ABCD2: variants seen among roughly 807,000 people sequenced by gnomAD.
ABCD2 encodes the protein ATP binding cassette subfamily D member 2.
A neutral mutation model predicts 70.9 loss-of-function variants in ABCD2; 36 were observed. The ratio of observed to expected loss-of-function variants is 0.51; its 90% CI spans 0.39 to 0.67. The LOEUF is 0.67. Among genes scored for constraint, ABCD2 ranks in the 30% least tolerant of loss-of-function variants. The pLI is 0.00. For missense variants in ABCD2, 729 were observed against 890.2 expected (o/e 0.82, Z 2.30); for synonymous variants, 304 against 306.9 (o/e 0.99, Z 0.10).
chr12:39,543,548 C>T, the ABCD2 span, among the ~76,000 whole-genome samples: 3 of 152,140 alleles, frequency 2.0e-5, no homozygotes, highest in South Asian at 2.1e-4. Context: ...ACTGGAGAAA[C>T]GGAATTGAGA....
downstream of ABCD2, among the ~76,000 whole-genome samples, chr12:39,547,805 G>A (rs1941040127): frequency 6.6e-6 from 1 of 152,050 alleles, no homozygotes; most frequent in Admixed American, 6.6e-5. Context: ...TTTATGTTAT[G>A]TGTTTTTTAC....
At position 39,551,214 on chromosome 12, in the gene ABCD2, T is replaced by A. The variant is rs747631966; in HGVS notation, c.*2698A>T. The A allele has an allele frequency of 4.6e-5, 7 of 151,730 alleles. No homozygotes were observed. Among genetic ancestry groups the A allele is most frequent in the Non-Finnish European group, 7.4e-5 (5 of 67,670 alleles). 9.4% of individuals were successfully genotyped at this position (151,730 alleles called of 1,614,324 possible). ...GTAGAAATATAATGCAACGTTTTCA[T>A]AGAATCCAACTTATTTTTCAAGTTT... On this transcript the variant is annotated 3_prime_UTR_variant, in exon 10 of 10. Transcript: ENST00000308666.
intron 6 of ABCD2, among the ~76,000 whole-genome samples, chr12:39,587,050 T>C (rs1291915057): frequency 6.6e-6 from 1 of 152,180 alleles, no homozygotes; most frequent in African/African-American, 2.4e-5. Flanking sequence ...TGTTGCCCTT[T>C]GACCTCCTTC....
chr12:39,604,685 A>G, intron 4 of ABCD2, 77 bp downstream of exon 4: 1 of 1,216,926 alleles, frequency 8.2e-7, no homozygotes, highest in Non-Finnish European at 1.1e-6. Flanking sequence ...TAACTACTAA[A>G]AGCTACCTTC....
At chr12:39,565,325 A>T (rs1407723041) in intron 9 of ABCD2, among the ~76,000 whole-genome samples, 13 of 152,032 alleles carry the variant, frequency 8.6e-5, no homozygotes, top group African/African-American at 2.2e-4. Flanking sequence ...TTTGTAGTTC[A>T]CCTTGAAGAG....
intron 6 of ABCD2, among the ~76,000 whole-genome samples, chr12:39,593,290 T>C (rs1459311850): frequency 6.6e-6 from 1 of 152,226 alleles, no homozygotes; most frequent in Non-Finnish European, 1.5e-5. Flanking sequence ...TCTCACTCTG[T>C]TGCCCAGGCC....
At position 39,617,172 on chromosome 12, in the gene ABCD2, T is replaced by TA. The variant is rs1175006856; in HGVS notation, c.940-5dup. ...TCTGAAGTTGTTTCATTTCTACCTA[T>TA]AGAGAGGAAAAAGAGTTGAGGACTT... On this transcript the variant is annotated splice_region_variant and splice_polypyrimidine_tract_variant and intron_variant, in intron 1 of 9. Transcript: ENST00000308666. 6.4e-7 allele frequency: 1 copy of TA among 1,556,052 alleles called. No individual in the cohort carries two copies. The highest frequency in any genetic ancestry group is 8.6e-7 in the Non-Finnish European group (1 of 1,156,630).
intron 6 of ABCD2, among the ~76,000 whole-genome samples, chr12:39,587,944 T>C (rs1354522016): frequency 1.3e-5 from 2 of 152,200 alleles, no homozygotes; most frequent in African/African-American, 4.8e-5. Context: ...AGGCGGAAAT[T>C]TTAAACTTTA....
At chr12:39,549,217 T>A (rs1039592390), downstream of ABCD2, among the ~76,000 whole-genome samples, 1 of 151,974 alleles carries the variant, frequency 6.6e-6, no homozygotes, top group Admixed American at 6.6e-5. Flanking sequence ...ATCATGAAGA[T>A]TGTGAAGCCC....
the ABCD2 span, among the ~76,000 whole-genome samples, chr12:39,534,888 GAAAGAAAGAAAGAAAGAAAGAAAGAAA>G: frequency 2.9e-4 from 1 of 3,462 alleles, no homozygotes; most frequent in Non-Finnish European, 5.9e-4. Context: ...AGGAAGGAAA[GAAAGAAAGAAAGAAAGAAAGAAAGAAA>G]GAAAGAAAGA....
the ABCD2 span, among the ~76,000 whole-genome samples, chr12:39,537,118 G>A: frequency 6.6e-6 from 1 of 151,876 alleles, no homozygotes; most frequent in African/African-American, 2.4e-5. Context: ...ACTCTTAGGA[G>A]ATTGTCCAAA....
At chr12:39,558,812 G>A (rs949875835) in intron 9 of ABCD2, among the ~76,000 whole-genome samples, 16 of 151,806 alleles carry the variant, frequency 1.1e-4, no homozygotes, top group East Asian at 3.9e-4. Context: ...CTAATACAGC[G>A]CACTTCAATA....
At chr12:39,605,408 G>T (rs1941956365) in intron 3 of ABCD2, among the ~76,000 whole-genome samples, 1 of 151,896 alleles carries the variant, frequency 6.6e-6, no homozygotes, top group African/African-American at 2.4e-5. Flanking sequence ...CCTCTATTTG[G>T]CAGGATACCA....
At chr12:39,613,482 TAAGTA>T (rs1591999821) in intron 2 of ABCD2, among the ~76,000 whole-genome samples, 3 of 147,816 alleles carry the variant, frequency 2.0e-5, no homozygotes, top group South Asian at 4.5e-4. Context: ...CTCTTAATAC[TAAGTA>T]AAGAAAGGGG....
intron 9 of ABCD2, among the ~76,000 whole-genome samples, chr12:39,559,714 G>T (rs1200313701): frequency 6.6e-6 from 1 of 152,028 alleles, no homozygotes; most frequent in African/African-American, 2.4e-5. Flanking sequence ...AGGAGAGAAT[G>T]GAATTACATA....
intron 6 of ABCD2, among the ~76,000 whole-genome samples, chr12:39,587,982 TA>T (rs1411071440): frequency 2.6e-5 from 4 of 152,208 alleles, no homozygotes; most frequent in Non-Finnish European, 5.9e-5. Flanking sequence ...GCTAATGATA[TA>T]GGGGTAGCAA....
chr12:39,564,533 T>A (rs1005971029), intron 9 of ABCD2, among the ~76,000 whole-genome samples: 3 of 152,344 alleles, frequency 2.0e-5, no homozygotes, highest in Admixed American at 6.5e-5. Context: ...ATATTAGCCA[T>A]TTGTCAGATG....
rs532176743 is a variant in ABCD2 at position 39,578,659 on chromosome 12, T to C, written c.1877+876A>G. ...CTTGATATCCTTAAACTCAAAAGGC[T>C]ATGAAGCTGGTTACAATTAAAAATG... is the stretch of plus-strand genomic sequence containing the variant. On this transcript the variant is annotated intron_variant, in intron 8 of 9. Transcript: ENST00000308666. Among the ~76,000 whole-genome samples the C allele has an allele frequency of 2.6e-5, 4 of 151,298 alleles. No individual in the cohort carries two copies. The South Asian group carries it at 8.4e-4, about 32-fold the overall frequency.
Position 39,565,456 on chromosome 12 carries a change from T to C in ABCD2, c.2003+8260A>G, listed in dbSNP as rs968051196. ...GTCTGTTATTGGTGTATAAGAATGC[T>C]TGTGATTTTTGCATATCGATTTTGT... On this transcript the variant is annotated intron_variant, in intron 9 of 9. Transcript: ENST00000308666. Among the ~76,000 whole-genome samples, 3 of 152,204 alleles carry C rather than the reference T, an allele frequency of 2.0e-5. 1 individual carries two copies. The highest frequency in any genetic ancestry group is 2.0e-4 in the Admixed American group (3 of 15,280).
Sources: allele counts gnomAD v4.1 joint callset (sites outside exome capture counted in the v4.1 genomes callset), GRCh38; gene constraint gnomAD v4.1.1; transcripts MANE v1.5; gene names NCBI Gene and HGNC (gene_info 2026-07-23, HGNC 2026-07-21).